Variants in MACROD2 observed in about 807,000 individuals in gnomAD.
MACROD2 encodes the protein ADP-ribose glycohydrolase MACROD2.
A neutral mutation model predicts 70.4 loss-of-function variants in MACROD2; 36 were observed. That is an observed-to-expected ratio of 0.51 (90% CI 0.39 to 0.68). The LOEUF is 0.68. MACROD2 is among the 30% of genes least tolerant of loss of function. MACROD2 has a pLI of 0.00. For synonymous variants in MACROD2, 172 were observed against 178.8 expected, an observed-to-expected ratio of 0.96 and a Z score of 0.30; for missense variants, 496 against 538.4, an observed-to-expected ratio of 0.92 and a Z score of 0.78.
At chr20:15,033,778 A>T (rs2075293007) in intron 5 of MACROD2, among the ~76,000 whole-genome samples, 1 of 152,354 alleles carries the variant, frequency 6.6e-6, no homozygotes. Flanking sequence ...AAGAGAAAAG[A>T]TCCTCTACAG....
chr20:15,386,661 T>G (rs566268256), intron 6 of MACROD2, among the ~76,000 whole-genome samples: 3 of 152,320 alleles, frequency 2.0e-5, no homozygotes, highest in Admixed American at 6.5e-5. Context: ...GCAATTTTTG[T>G]GTCTTGATCA....
intron 3 of MACROD2, among the ~76,000 whole-genome samples, chr20:14,097,450 G>A (rs79730917): frequency 0.027 from 4,048 of 152,208 alleles, 53 homozygotes; most frequent in Non-Finnish European, 0.032. Context: ...TCAGAAAAGT[G>A]ATTTTTAAAA....
At chr20:14,195,133 T>C (rs1294100539) in intron 3 of MACROD2, among the ~76,000 whole-genome samples, 1 of 152,184 alleles carries the variant, frequency 6.6e-6, no homozygotes, top group Non-Finnish European at 1.5e-5. Context: ...TAATAGGAAA[T>C]ATGCATTTTA....
intron 3 of MACROD2, among the ~76,000 whole-genome samples, chr20:14,272,642 C>A (rs566000603): frequency 4.4e-4 from 62 of 142,414 alleles, no homozygotes; most frequent in Admixed American, 1.9e-3. Context: ...TCACACATAA[C>A]AATATTAACT....
chr20:15,795,108 A>G (rs1432318934), intron 8 of MACROD2, among the ~76,000 whole-genome samples: 6 of 152,090 alleles, frequency 3.9e-5, no homozygotes, highest in Admixed American at 2.0e-4. Flanking sequence ...TTTAATGTGA[A>G]TAGTGCCCCC....
At chr20:15,622,489 G>T (rs1036457105) in intron 8 of MACROD2, among the ~76,000 whole-genome samples, 4 of 152,102 alleles carry the variant, frequency 2.6e-5, no homozygotes, top group African/African-American at 9.7e-5. Context: ...CATGGCAGTG[G>T]CTCTGATAAC....
chr20:14,644,721 A>G (rs1392214425), intron 4 of MACROD2, among the ~76,000 whole-genome samples: 1 of 152,184 alleles, frequency 6.6e-6, no homozygotes, highest in Non-Finnish European at 1.5e-5. Context: ...TATGCAAACT[A>G]ATGCTATTTT....
chr20:14,975,511 A>G (rs543340666), intron 5 of MACROD2, among the ~76,000 whole-genome samples: 1 of 152,208 alleles, frequency 6.6e-6, no homozygotes, highest in South Asian at 2.1e-4. Flanking sequence ...AGGTGGGTTT[A>G]AGATTTGCTT....
At chr20:14,377,077 C>T (rs1300275425) in intron 3 of MACROD2, among the ~76,000 whole-genome samples, 4 of 152,134 alleles carry the variant, frequency 2.6e-5, no homozygotes, top group Non-Finnish European at 5.9e-5. Flanking sequence ...GAGCAAGTCA[C>T]TCCTAGCCTT....
chr20:15,011,459 C>T (rs2075081915), intron 5 of MACROD2, among the ~76,000 whole-genome samples: 1 of 152,124 alleles, frequency 6.6e-6, no homozygotes, highest in South Asian at 2.1e-4. Context: ...TCCTTATTAT[C>T]CATTCAGTGT....
At chr20:15,211,675 G>T (rs981950506) in intron 5 of MACROD2, among the ~76,000 whole-genome samples, 1 of 151,760 alleles carries the variant, frequency 6.6e-6, no homozygotes, top group Non-Finnish European at 1.5e-5. Flanking sequence ...GATCGTAAGC[G>T]TCCTGAGTCC....
At chr20:15,547,301 G>A (rs1438475847) in intron 8 of MACROD2, among the ~76,000 whole-genome samples, 1 of 152,204 alleles carries the variant, frequency 6.6e-6, no homozygotes, top group Non-Finnish European at 1.5e-5. Flanking sequence ...CTAGACAGAT[G>A]GAACCAATCC....
intron 8 of MACROD2, among the ~76,000 whole-genome samples, chr20:15,682,099 A>C (rs1365559467): frequency 6.6e-6 from 1 of 152,154 alleles, no homozygotes; most frequent in Non-Finnish European, 1.5e-5. Flanking sequence ...ACATGTAGCC[A>C]CCTATGGGAT....
At chr20:14,718,944 A>G (rs1433360450) in intron 5 of MACROD2, among the ~76,000 whole-genome samples, 1 of 152,184 alleles carries the variant, frequency 6.6e-6, no homozygotes, top group Non-Finnish European at 1.5e-5. Flanking sequence ...TTAAAAATAC[A>G]TATAGTCAGC....
intron 8 of MACROD2, among the ~76,000 whole-genome samples, chr20:15,608,373 C>T (rs1223436480): frequency 3.9e-5 from 6 of 152,180 alleles, no homozygotes; most frequent in Non-Finnish European, 7.3e-5. Flanking sequence ...GCTTTAAATG[C>T]CTTGATCTCT....
At chr20:15,556,589 G>C (rs575274808) in intron 8 of MACROD2, among the ~76,000 whole-genome samples, 3 of 152,226 alleles carry the variant, frequency 2.0e-5, no homozygotes, top group South Asian at 2.1e-4. Flanking sequence ...TTGAATTTTA[G>C]CTCTTATATG....
intron 3 of MACROD2, among the ~76,000 whole-genome samples, chr20:14,381,658 G>A (rs1274131037): frequency 6.6e-6 from 1 of 152,182 alleles, no homozygotes; most frequent in East Asian, 1.9e-4. Context: ...AGTGAGCGGT[G>A]TTTCCTATAT....
In MACROD2 at chr20:14,215,601, C is replaced by T. The variant is rs192628422; in HGVS notation, c.271+129873C>T. On this transcript the variant is annotated intron_variant, in intron 3 of 17. Transcript: ENST00000684519. ...GGGATCTCCACAGTGTTTTCCATAG[C>T]GGCTGTACTAGTTTATTTTCCCACC... Among the ~76,000 whole-genome samples, 12 of 152,114 alleles carry T rather than the reference C, an allele frequency of 7.9e-5. No homozygotes were observed. In the East Asian group the frequency reaches 1.7e-3, roughly 22 times the overall value.
intron 3 of MACROD2, among the ~76,000 whole-genome samples, chr20:14,134,801 C>CAA (rs5840594): frequency 0.21 from 20,098 of 97,774 alleles, 3,454 homozygotes; most frequent in African/African-American, 0.35. Flanking sequence ...GACTCCGTGT[C>CAA]AAAAAAAAAA....
Sources: gnomAD v4.1 joint callset for allele counts (sites outside exome capture counted in the v4.1 genomes callset) on GRCh38, gnomAD v4.1.1 for gene constraint, MANE v1.5 for transcripts, NCBI Gene and HGNC (gene_info 2026-07-23, HGNC 2026-07-21) for gene names.